Variants in NIM1K observed in about 807,000 individuals in gnomAD.
NIM1K encodes serine/threonine-protein kinase NIM1.
In NIM1K, 35 loss-of-function variants were observed where a neutral mutation model predicts 37.1. The observed-to-expected ratio is 0.94, with a 90% CI of 0.72 to 1.25. The LOEUF (loss-of-function observed/expected upper bound fraction) is 1.25, where lower values mean the gene tolerates loss of function less well. NIM1K is among the 50% of genes most tolerant of loss of function. The pLI is 0.00. For synonymous variants in NIM1K, 234 were observed against 206.6 expected (o/e 1.13, Z -1.14); for missense variants, 564 against 548.0 (o/e 1.03, Z -0.29).
intron 1 of NIM1K, chr5:43,232,090 G>T (rs1165335891): frequency 1.9e-6 from 2 of 1,031,216 alleles, no homozygotes; most frequent in African/African-American, 3.2e-5. Context: ...CACCACAGTG[G>T]GAGGGCTGGC....
intron 1 of NIM1K, among the ~76,000 whole-genome samples, chr5:43,240,068 C>A (rs1241853980): frequency 6.6e-6 from 1 of 151,750 alleles, no homozygotes; most frequent in Non-Finnish European, 1.5e-5. Flanking sequence ...TTTCCTTTTT[C>A]TTTTCTTTTT....
intron 2 of NIM1K, among the ~76,000 whole-genome samples, chr5:43,268,361 T>A (rs1252241704): frequency 6.6e-6 from 1 of 152,036 alleles, no homozygotes; most frequent in African/African-American, 2.4e-5. Context: ...GGCTTGTTGG[T>A]TAGGGGTTTT....
intron 1 of NIM1K, among the ~76,000 whole-genome samples, chr5:43,215,255 C>T (rs1486005448): frequency 1.3e-5 from 2 of 152,200 alleles, no homozygotes; most frequent in East Asian, 1.9e-4. Context: ...CACTTAAATG[C>T]CTCTCCAACA....
At chr5:43,206,006 C>T (rs1323698466) in intron 1 of NIM1K, among the ~76,000 whole-genome samples, 4 of 152,150 alleles carry the variant, frequency 2.6e-5, no homozygotes, top group Non-Finnish European at 5.9e-5. Flanking sequence ...GCTTCCGCGC[C>T]CGGCCTGCTT....
intron 1 of NIM1K, among the ~76,000 whole-genome samples, chr5:43,217,459 C>CAAA (rs35739990): frequency 3.2e-5 from 3 of 93,728 alleles, no homozygotes; most frequent in African/African-American, 1.2e-4. Context: ...TGTGGACATG[C>CAAA]AAAAAAAAAA....
rs1266170225 is a variant in NIM1K at position 43,245,838 on chromosome 5, G to T, written c.63G>T (p.Arg21=). The T allele has an allele frequency of 1.9e-6, 3 of 1,614,004 alleles. No homozygotes were observed. Among genetic ancestry groups the T allele is most frequent in the Non-Finnish European group, 2.5e-6 (3 of 1,179,950 alleles). ...ACCCCCACTATGCCCGGTGGGATCG[G>T]CGCGACAGTGTAGAAAGTGGCTGTC... ...LVNPHYARWD[R]RDSVESGCQT... is the part of the protein sequence containing the mutation. The change falls in exon 2 of 4, where the codon CGG becomes CGT. Residue 21 remains arginine (R), a synonymous_variant. Transcript: ENST00000326035.
chr5:43,252,700 C>T (rs1427248683), intron 2 of NIM1K, among the ~76,000 whole-genome samples: 4 of 152,142 alleles, frequency 2.6e-5, no homozygotes, highest in Admixed American at 2.0e-4. Flanking sequence ...TTCCCTTGGG[C>T]TCTCCAAGCT....
chr5:43,270,877 A>G (rs114972490), intron 2 of NIM1K, among the ~76,000 whole-genome samples: 189 of 152,334 alleles, frequency 1.2e-3, no homozygotes, highest in African/African-American at 4.5e-3. Flanking sequence ...CAGTTGCTCA[A>G]CTGAGAAACC....
intron 2 of NIM1K, among the ~76,000 whole-genome samples, chr5:43,247,672 T>C (rs959124183): frequency 2.2e-4 from 33 of 152,340 alleles, no homozygotes; most frequent in African/African-American, 7.7e-4. Flanking sequence ...TGATTCTAAC[T>C]AACAACATGT....
At position 43,255,754 on chromosome 5, in the gene NIM1K, A is replaced by AAAAG. The variant is rs1554016081; in HGVS notation, c.292+9709_292+9712dup. The stretch of plus-strand genomic sequence containing the variant: ...CAGAGCCAGACTCTGTCTCAAAAAA[A>AAAAG]AAAGAAAGAAAGAAAGAAAGAAAGA... On this transcript the variant is annotated intron_variant, in intron 2 of 3. Transcript: ENST00000326035. 0.011 allele frequency among the ~76,000 whole-genome samples: 1,487 copies of AAAAG among 131,874 alleles called. 56 individuals are homozygous for AAAAG. In the East Asian group the frequency reaches 0.13, roughly 12 times the overall value. The allele number at this position is 131,874 out of a possible 152,430, so 86.5% of individuals were successfully genotyped here.
intron 1 of NIM1K, among the ~76,000 whole-genome samples, chr5:43,222,579 A>G (rs1357032716): frequency 1.3e-5 from 2 of 152,028 alleles, no homozygotes; most frequent in Non-Finnish European, 1.5e-5. Flanking sequence ...AAATGAAGAA[A>G]AAAAACTAGC....
At chr5:43,205,226 C>T in intron 1 of NIM1K, among the ~76,000 whole-genome samples, 1 of 152,198 alleles carries the variant, frequency 6.6e-6, no homozygotes. Context: ...TTGTCACTCA[C>T]TAGCTCTCTG....
At chr5:43,261,325 T>C (rs1248425481) in intron 2 of NIM1K, among the ~76,000 whole-genome samples, 3 of 152,240 alleles carry the variant, frequency 2.0e-5, no homozygotes, top group Admixed American at 2.0e-4. Flanking sequence ...TGGTATTTCA[T>C]TGTGGTTTTG....
intron 1 of NIM1K, among the ~76,000 whole-genome samples, chr5:43,243,299 A>G (rs1752730698): frequency 6.6e-6 from 1 of 152,236 alleles, no homozygotes; most frequent in Admixed American, 6.5e-5. Context: ...TTGCAGAATT[A>G]CTACTTCATT....
At chr5:43,256,525 T>C (rs932114566) in intron 2 of NIM1K, among the ~76,000 whole-genome samples, 1 of 152,224 alleles carries the variant, frequency 6.6e-6, no homozygotes, top group Non-Finnish European at 1.5e-5. Context: ...ATGTTTGACA[T>C]GCCTATTACA....
At chr5:43,192,625 G>T (rs1357520231) in intron 1 of NIM1K, among the ~76,000 whole-genome samples, 1 of 152,226 alleles carries the variant, frequency 6.6e-6, no homozygotes, top group Non-Finnish European at 1.5e-5. Context: ...AGGCCGATCC[G>T]CAAGCGAGAG....
chr5:43,268,132 T>C (rs1579610311), intron 2 of NIM1K, among the ~76,000 whole-genome samples: 1 of 152,322 alleles, frequency 6.6e-6, no homozygotes, highest in African/African-American at 2.4e-5. Context: ...TGGAGCTCCA[T>C]AGTTAGGTAC....
At chr5:43,224,004 T>G (rs1033761424) in intron 1 of NIM1K, among the ~76,000 whole-genome samples, 9 of 151,998 alleles carry the variant, frequency 5.9e-5, no homozygotes, top group African/African-American at 2.2e-4. Flanking sequence ...AAAAATCCAT[T>G]GATTAGAAAG....
In NIM1K at chr5:43,277,811, T is replaced by A. The variant is rs1314240283; in HGVS notation, c.561+486T>A. Among the ~76,000 whole-genome samples, 129 of 146,992 alleles carry A rather than the reference T, an allele frequency of 8.8e-4. 1 individual carries two copies. The highest frequency in any genetic ancestry group is 3.1e-3 in the African/African-American group (119 of 38,140). On this transcript the variant is annotated intron_variant, in intron 3 of 3. Coordinates refer to ENST00000326035, the MANE Select transcript of NIM1K (RefSeq NM_153361.4). ...GTGTGTGTGTGTGTGTGTGTGTGTG[T>A]GTGTGAGAGAGAGAGAGAGAGAGAG...
Sources: gnomAD v4.1 joint callset for allele counts (sites outside exome capture counted in the v4.1 genomes callset) on GRCh38, gnomAD v4.1.1 for gene constraint, MANE v1.5 for transcripts, NCBI Gene and HGNC (gene_info 2026-07-23, HGNC 2026-07-21) for gene names.